MBNL2: variants seen among roughly 807,000 people sequenced by gnomAD.
MBNL2 encodes muscleblind-like protein 2.
A neutral mutation model predicts 41.9 loss-of-function variants in MBNL2; 17 were observed. The ratio of observed to expected loss-of-function variants is 0.41; its 90% CI spans 0.28 to 0.61. MBNL2 has a LOEUF of 0.61. MBNL2 is among the 20% of genes least tolerant of loss of function. The pLI is 0.35. For synonymous variants in MBNL2, 195 were observed against 182.9 expected (o/e 1.07, Z -0.53); for missense variants, 336 against 505.6 (o/e 0.66, Z 3.22).
intron 2 of MBNL2, among the ~76,000 whole-genome samples, chr13:97,279,251 G>A (rs1462731149): frequency 6.6e-6 from 1 of 152,198 alleles, no homozygotes; most frequent in East Asian, 1.9e-4. Context: ...ACCAGGGCTT[G>A]ACTAAGCCTG....
the MBNL2 span, among the ~76,000 whole-genome samples, chr13:97,206,210 A>G: frequency 4.0e-4 from 61 of 152,272 alleles, no homozygotes; most frequent in African/African-American, 1.4e-3. Flanking sequence ...CGTGATTTCT[A>G]CAGTTCTGAT....
At chr13:97,329,965 C>T (rs1460699902) in intron 2 of MBNL2, among the ~76,000 whole-genome samples, 2 of 152,180 alleles carry the variant, frequency 1.3e-5, no homozygotes, top group Non-Finnish European at 2.9e-5. Context: ...CCTCTCCCAC[C>T]ATTCCTTCTC....
the MBNL2 span, among the ~76,000 whole-genome samples, chr13:97,164,051 G>C: frequency 6.6e-6 from 1 of 152,166 alleles, no homozygotes; most frequent in East Asian, 1.9e-4. Flanking sequence ...CTGTCACCCA[G>C]GCTGGAGTGC....
intron 8 of MBNL2, among the ~76,000 whole-genome samples, chr13:97,380,660 T>G (rs1204351282): frequency 6.6e-6 from 1 of 152,144 alleles, no homozygotes; most frequent in Admixed American, 6.5e-5. Context: ...AGAGTCCTTA[T>G]CATATGAGAA....
chr13:97,252,972 T>C (rs2046852784), intron 1 of MBNL2, among the ~76,000 whole-genome samples: 2 of 152,204 alleles, frequency 1.3e-5, no homozygotes, highest in South Asian at 4.1e-4. Flanking sequence ...GACAGAGGTC[T>C]CTCTCTATTT....
chr13:97,237,578 G>T (rs1283362603), intron 1 of MBNL2, among the ~76,000 whole-genome samples: 1 of 152,180 alleles, frequency 6.6e-6, no homozygotes, highest in Non-Finnish European at 1.5e-5. Flanking sequence ...GGCAGTCAGG[G>T]AAGGCTTCCT....
chr13:97,163,055 G>GACC, the MBNL2 span, among the ~76,000 whole-genome samples: 2 of 152,228 alleles, frequency 1.3e-5, no homozygotes, highest in Non-Finnish European at 2.9e-5. Flanking sequence ...GGGATTTGTA[G>GACC]ACCACCACCA....
chr13:97,307,201 A>G (rs908518076), intron 2 of MBNL2, among the ~76,000 whole-genome samples: 2 of 151,884 alleles, frequency 1.3e-5, no homozygotes, highest in African/African-American at 4.8e-5. Flanking sequence ...TGATTATTTG[A>G]CCTGCCATCC....
intron 1 of MBNL2, among the ~76,000 whole-genome samples, chr13:97,254,664 C>T (rs771729035): frequency 5.3e-5 from 8 of 152,000 alleles, no homozygotes; most frequent in African/African-American, 1.2e-4. Flanking sequence ...TCATAGGGAT[C>T]GTAGGGATAT....
intron 4 of MBNL2, among the ~76,000 whole-genome samples, chr13:97,345,203 T>C (rs1315673250): frequency 6.6e-6 from 1 of 152,236 alleles, no homozygotes. Context: ...TTGAATTTCA[T>C]GTCAGGGGCC....
the MBNL2 span, among the ~76,000 whole-genome samples, chr13:97,185,581 G>A: frequency 6.6e-6 from 1 of 152,188 alleles, no homozygotes; most frequent in Non-Finnish European, 1.5e-5. Flanking sequence ...CTGTGACCAC[G>A]AAAGCTGAGG....
At chr13:97,336,378 C>T (rs961182040) in intron 3 of MBNL2, among the ~76,000 whole-genome samples, 1 of 151,536 alleles carries the variant, frequency 6.6e-6, no homozygotes, top group South Asian at 2.1e-4. Context: ...CTCGGAGGTA[C>T]CTGGAACCTA....
intron 3 of MBNL2, among the ~76,000 whole-genome samples, chr13:97,338,130 A>T (rs983371768): frequency 1.6e-4 from 24 of 152,156 alleles, no homozygotes; most frequent in African/African-American, 5.8e-4. Context: ...TCTTACTGGG[A>T]CAAAGCCGAA....
At chr13:97,169,212 C>G in the MBNL2 span, among the ~76,000 whole-genome samples, 1 of 152,190 alleles carries the variant, frequency 6.6e-6, no homozygotes, top group Non-Finnish European at 1.5e-5. Flanking sequence ...TCTGGGGTAA[C>G]TCTTACTTGA....
At chr13:97,228,997 A>C (rs932718656) in intron 1 of MBNL2, among the ~76,000 whole-genome samples, 3 of 151,754 alleles carry the variant, frequency 2.0e-5, no homozygotes, top group Admixed American at 6.6e-5. Flanking sequence ...GAGATAAATG[A>C]AATTAAACTT....
rs1176468898 is a variant in MBNL2 at position 97,332,204 on chromosome 13, G to A, written c.175-2072G>A. ...CAAGAGCAGTGTTTGTGGCTAAAGAGAGTTTGGAATGAGGTTAGAGAAACC... is the reference window on the plus strand; with the variant it reads ...CAAGAGCAGTGTTTGTGGCTAAAGAAAGTTTGGAATGAGGTTAGAGAAACC... On this transcript the variant is annotated intron_variant, in intron 2 of 8. Transcript: ENST00000679496. 3.3e-5 allele frequency among the ~76,000 whole-genome samples: 5 copies of A among 152,240 alleles called. No homozygotes were observed. The East Asian group carries it at 9.6e-4, about 29-fold the overall frequency.
At chr13:97,271,129 T>C (rs2050884761) in intron 1 of MBNL2, among the ~76,000 whole-genome samples, 1 of 150,666 alleles carries the variant, frequency 6.6e-6, no homozygotes, top group Admixed American at 6.6e-5. Flanking sequence ...TTTTTTTGTT[T>C]TTTTTTTTTG....
Position 97,276,001 on chromosome 13 carries a change from A to AG in MBNL2, c.-234dup. The AG allele has an allele frequency of 4.6e-6, 2 of 433,280 alleles. No homozygotes were observed. The highest frequency in any genetic ancestry group is 8.2e-6 in the Non-Finnish European group (2 of 243,084). 26.8% of individuals were successfully genotyped at this position (433,280 alleles called of 1,614,324 possible). ...ACGTTGAAAGCCAGAGATGACACTG[A>AG]GCATGCTTTTATTGCGGCCTACCAT... On this transcript the variant is annotated 5_prime_UTR_variant, in exon 2 of 9. It introduces an in-frame stop codon into an upstream open reading frame of the 5' UTR. Transcript: ENST00000679496.
chr13:97,181,508 T>C, the MBNL2 span, among the ~76,000 whole-genome samples: 1 of 152,192 alleles, frequency 6.6e-6, no homozygotes, highest in African/African-American at 2.4e-5. Context: ...AAATGTATAG[T>C]AGTGCTGAAA....
Sources: gnomAD v4.1 joint callset for allele counts (sites outside exome capture counted in the v4.1 genomes callset) on GRCh38, gnomAD v4.1.1 for gene constraint, MANE v1.5 for transcripts, NCBI Gene and HGNC (gene_info 2026-07-23, HGNC 2026-07-21) for gene names.